MAP3K10: variants seen among roughly 807,000 people sequenced by gnomAD.
The protein encoded by MAP3K10 is mitogen-activated protein kinase kinase kinase 10, also known as MKN28 derived nonreceptor_type serine/threonine kinase.
Under a neutral mutation model 75.0 loss-of-function variants are expected in MAP3K10, and 22 were observed. That is an observed-to-expected ratio of 0.29 (90% CI 0.21 to 0.42). MAP3K10 has a LOEUF of 0.42. MAP3K10 is among the 10% of genes least tolerant of loss of function. The pLI is 1.00. For synonymous variants in MAP3K10, 599 were observed against 612.9 expected, an observed-to-expected ratio of 0.98 and a Z score of 0.34; for missense variants, 1,165 against 1,379.8, an observed-to-expected ratio of 0.84 and a Z score of 2.47.
At chr19:40,208,665 T>C (rs1260037898) in intron 5 of MAP3K10, among the ~76,000 whole-genome samples, 3 of 74,044 alleles carry the variant, frequency 4.1e-5, no homozygotes, top group Non-Finnish European at 8.4e-5. Context: ...CAGTGAGAAC[T>C]CATCCTTTAT....
At position 40,204,711 on chromosome 19, in the gene MAP3K10, C is replaced by T. The variant is rs918836705; in HGVS notation, c.1012+78C>T. The stretch of plus-strand genomic sequence containing the variant: ...TGTGGGCCCAGACCTTTCCCCTTCA[C>T]ACCTATCCATACCAGTGGGCCCAGG... On this transcript the variant is annotated intron_variant, in intron 3 of 9. Coordinates refer to ENST00000253055, the MANE Select transcript of MAP3K10 (RefSeq NM_002446.4). The surrounding 1 kb of genome is among the most constrained non-coding windows in gnomAD (Gnocchi z 4.3). 7.9e-6 allele frequency: 12 copies of T among 1,519,120 alleles called. No homozygotes were observed. The highest frequency in any genetic ancestry group is 1.4e-5 in the African/African-American group (1 of 72,936). 94.1% of individuals were successfully genotyped at this position (1,519,120 alleles called of 1,614,324 possible).
chr19:40,196,386 C>T (rs921409984), intron 1 of MAP3K10, among the ~76,000 whole-genome samples: 7 of 152,198 alleles, frequency 4.6e-5, no homozygotes, highest in African/African-American at 1.7e-4. Context: ...CAGTGGTTTA[C>T]TCTTGTAGTC....
In MAP3K10 at chr19:40,198,356, C is replaced by A; in HGVS notation, c.683-19C>A. 1 of 1,600,074 alleles carries A rather than the reference C, an allele frequency of 6.2e-7. No individual in the cohort carries two copies. Among genetic ancestry groups the A allele is most frequent in the Non-Finnish European group, 8.5e-7 (1 of 1,171,558 alleles). On this transcript the variant is annotated intron_variant, in intron 1 of 9. Transcript: ENST00000253055. The surrounding 1 kb of genome is among the most constrained non-coding windows in gnomAD (Gnocchi z 4.3). ...GCGTGGCAGGTCTGGGGTGACCCAC[C>A]TTTCTTCCCACCCCACAGTCCTGAT...
Position 40,191,736 on chromosome 19 carries a change from T to G in MAP3K10, c.-296T>G. The G allele has an allele frequency of 3.4e-6, 1 of 290,940 alleles. No individual in the cohort carries two copies. Among genetic ancestry groups the G allele is most frequent in the Non-Finnish European group, 6.3e-6 (1 of 157,506 alleles). 18.0% of individuals were successfully genotyped at this position (290,940 alleles called of 1,614,324 possible). A position where few individuals can be genotyped will look rare whatever the true frequency, so the allele number is the denominator to read the frequency against. ...CCCACCGGCGGACCCCGGCGGGCAT[T>G]CGAGAGCCGCGCGGCCAGGCCCTCT... On this transcript the variant is annotated 5_prime_UTR_variant, in exon 1 of 10. It adds an upstream start codon to the 5' untranslated region. Coordinates refer to ENST00000253055, the MANE Select transcript of MAP3K10 (RefSeq NM_002446.4).
chr19:40,201,524 G>A (rs1973021059), intron 2 of MAP3K10, among the ~76,000 whole-genome samples: 1 of 129,796 alleles, frequency 7.7e-6, no homozygotes, highest in Non-Finnish European at 1.6e-5. Context: ...ACAGGGTCTT[G>A]CTCTGTCACC....
At chr19:40,214,505 C>T (rs1973313662) in intron 9 of MAP3K10, among the ~76,000 whole-genome samples, 4 of 152,232 alleles carry the variant, frequency 2.6e-5, no homozygotes, top group Admixed American at 2.6e-4. Flanking sequence ...ACACTGTTCT[C>T]CTCCATCTGT....
At chr19:40,203,032 T>C (rs901377383) in intron 2 of MAP3K10, among the ~76,000 whole-genome samples, 8 of 152,278 alleles carry the variant, frequency 5.3e-5, no homozygotes, top group African/African-American at 1.7e-4. Flanking sequence ...TGGCACACAG[T>C]AGGCACTTAA....
At chr19:40,199,671 T>A (rs1972981307) in intron 2 of MAP3K10, among the ~76,000 whole-genome samples, 2 of 151,996 alleles carry the variant, frequency 1.3e-5, no homozygotes, top group African/African-American at 4.8e-5. Flanking sequence ...TTTATTCTAA[T>A]GAAGTAGGAA....
rs867480343 is a variant in MAP3K10, at chr19:40,198,336, G to A, written c.683-39G>A. On this transcript the variant is annotated intron_variant, in intron 1 of 9. Coordinates refer to ENST00000253055, the MANE Select transcript of MAP3K10 (RefSeq NM_002446.4). This position sits in a 1 kb window ranked among gnomAD's most constrained non-coding sequence, Gnocchi z 4.3. The stretch of plus-strand genomic sequence containing the variant: ...CCAGAACACTTGGGTCTGCGGCGTG[G>A]CAGGTCTGGGGTGACCCACCTTTCT... The A allele has an allele frequency of 3.2e-6, 5 of 1,574,786 alleles. No homozygotes were observed. The highest frequency in any genetic ancestry group is 1.1e-5 in the South Asian group (1 of 87,374).
intron 1 of MAP3K10, among the ~76,000 whole-genome samples, chr19:40,193,955 C>A (rs1190939387): frequency 1.3e-5 from 2 of 152,180 alleles, no homozygotes; most frequent in African/African-American, 4.8e-5. Context: ...TTATTTTAAT[C>A]CATCCCACTA....
chr19:40,204,213 G>C lies in MAP3K10; in HGVS notation c.864-272G>C, dbSNP rs1198009838. Among the ~76,000 whole-genome samples the C allele has an allele frequency of 6.6e-6, 1 of 152,176 alleles. No homozygotes were observed. Among genetic ancestry groups the C allele is most frequent in the African/African-American group, 2.4e-5 (1 of 41,446 alleles). Reference sequence around the variant, plus strand: ...TCTCTACAAAAATAAAAATAAGAAAGATGGATTTGGCCAGTAGGAACACGG... The same window carrying C: ...TCTCTACAAAAATAAAAATAAGAAACATGGATTTGGCCAGTAGGAACACGG... On this transcript the variant is annotated intron_variant, in intron 2 of 9. Coordinates refer to ENST00000253055, the MANE Select transcript of MAP3K10 (RefSeq NM_002446.4). This position sits in a 1 kb window ranked among gnomAD's most constrained non-coding sequence, Gnocchi z 4.3.
chr19:40,213,102 A>G lies in MAP3K10; in HGVS notation c.1751A>G (p.Lys584Arg). The change falls in exon 8 of 10, where the codon AAA becomes AGA. Residue 584 changes from lysine to arginine, a missense_variant. Coordinates refer to ENST00000253055, the MANE Select transcript of MAP3K10 (RefSeq NM_002446.4). The surrounding 1 kb of genome is among the most constrained non-coding windows in gnomAD (Gnocchi z 5.7). ...CTGAAGGGGCTGGGGGAAGGAAGCAAACAGTGGTCATCAAGTGCCCCCAAC... is the reference window on the plus strand; with the variant it reads ...CTGAAGGGGCTGGGGGAAGGAAGCAGACAGTGGTCATCAAGTGCCCCCAAC... ...ERLKGLGEGS[K>R]QWSSSAPNLG... 6.2e-7 allele frequency: 1 copy of G among 1,606,246 alleles called. No individual in the cohort carries two copies. The highest frequency in any genetic ancestry group is 8.5e-7 in the Non-Finnish European group (1 of 1,177,152).
rs777832541 is a variant in MAP3K10 at position 40,212,952 on chromosome 19, A to G, written c.1700A>G (p.Lys567Arg). 1 of 1,609,630 alleles carries G rather than the reference A, an allele frequency of 6.2e-7. No individual in the cohort carries two copies. The highest frequency in any genetic ancestry group is 2.2e-5 in the East Asian group (1 of 44,862). ...RTWGPSSTLQ[K>R]ERVGGEERLK... ...TGGGGGCCCAGCTCCACCCTGCAGAAGGAGCGGGTGGGAGGAGAGGAGAGG... is the reference window on the plus strand; with the variant it reads ...TGGGGGCCCAGCTCCACCCTGCAGAGGGAGCGGGTGGGAGGAGAGGAGAGG... The change falls in exon 7 of 10, where the codon AAG becomes AGG. Residue 567 changes from lysine (K) to arginine (R), a missense_variant. Physicochemically the swap from Lys to Arg is conservative, Grantham distance 26. Around this residue, in one of 2 missense-constraint regions of MAP3K10, gnomAD observed 590 missense variants for 586.6 expected, o/e 1.01. Coordinates refer to ENST00000253055, the MANE Select transcript of MAP3K10 (RefSeq NM_002446.4). This position sits in a 1 kb window ranked among gnomAD's most constrained non-coding sequence, Gnocchi z 4.2.
In MAP3K10 at chr19:40,191,585, G is replaced by A. The variant is rs1972811766; in HGVS notation, c.-447G>A. Among the ~76,000 whole-genome samples, 1 of 147,636 alleles carries A rather than the reference G, an allele frequency of 6.8e-6. No homozygotes were observed. Among genetic ancestry groups the A allele is most frequent in the Non-Finnish European group, 1.5e-5 (1 of 66,260 alleles). Reference sequence around the variant, plus strand: ...CCCCGGCCCGGGGCGGCCGCCCCAGGGGCCCCGCCACCCCCGCCCGGCCCG... The same window carrying A: ...CCCCGGCCCGGGGCGGCCGCCCCAGAGGCCCCGCCACCCCCGCCCGGCCCG... On this transcript the variant is annotated 5_prime_UTR_variant, in exon 1 of 10. Coordinates refer to ENST00000253055, the MANE Select transcript of MAP3K10 (RefSeq NM_002446.4).
At chr19:40,197,296 G>A (rs745774311) in intron 1 of MAP3K10, among the ~76,000 whole-genome samples, 2 of 152,150 alleles carry the variant, frequency 1.3e-5, no homozygotes, top group African/African-American at 2.4e-5. Flanking sequence ...CTGAGCCAGA[G>A]TCAGGGTGCA....
chr19:40,214,005 C>A lies in MAP3K10; in HGVS notation c.2326C>A (p.Pro776Thr). ...SDEAAPAAPSPPPSPPAPTPT... is the reference protein window; with the variant it reads ...SDEAAPAAPSTPPSPPAPTPT... The stretch of plus-strand genomic sequence containing the variant: ...CGAGGCCGCACCGGCCGCGCCCTCC[C>A]CACCACCCTCCCCGCCCGCGCCCAC... Residue 776 changes from proline (P) to threonine (T), a missense_variant, in exon 9 of 10, where the codon CCA becomes ACA. Pro to Thr is a conservative substitution (Grantham distance 38). Coordinates refer to ENST00000253055, the MANE Select transcript of MAP3K10 (RefSeq NM_002446.4). 6.6e-7 allele frequency: 1 copy of A among 1,510,234 alleles called. No homozygotes were observed. The highest frequency in any genetic ancestry group is 2.6e-5 in the East Asian group (1 of 38,978). 93.6% of individuals were successfully genotyped at this position (1,510,234 alleles called of 1,614,324 possible). A position where few individuals can be genotyped will look rare whatever the true frequency, so the allele number is the denominator to read the frequency against.
chr19:40,213,450 C>G lies in MAP3K10; in HGVS notation c.1838-67C>G. The G allele has an allele frequency of 1.3e-6, 2 of 1,580,598 alleles. No individual in the cohort carries two copies. The highest frequency in any genetic ancestry group is 1.7e-6 in the Non-Finnish European group (2 of 1,168,548). On this transcript the variant is annotated intron_variant, in intron 8 of 9. Transcript: ENST00000253055. This position sits in a 1 kb window ranked among gnomAD's most constrained non-coding sequence, Gnocchi z 5.7. ...TTGGAGGGGTCATCGGGGGCTGTCC[C>G]TTGGCACAAGTCCCCGTGGGGCCCT...
chr19:40,200,477 A>G (rs1177080052), intron 2 of MAP3K10, among the ~76,000 whole-genome samples: 1 of 152,094 alleles, frequency 6.6e-6, no homozygotes, highest in Non-Finnish European at 1.5e-5. Context: ...CTGAGGCTCC[A>G]GATTGTCCAA....
In MAP3K10 at chr19:40,213,998, G is replaced by GCCCACCCCCCCCCCCCCCCCCCCCCC; in HGVS notation, c.2322_2323insACCCCCCCCCCCCCCCCCCCCCCCCC (p.Ser775ThrfsTer56). On this transcript the variant is annotated frameshift_variant, in exon 9 of 10. Transcript: ENST00000253055. LOFTEE classifies it high-confidence loss of function. The surrounding 1 kb of genome is among the most constrained non-coding windows in gnomAD (Gnocchi z 5.7). ...ACAGTGACGAGGCCGCACCGGCCGC[G>GCCCACCCCCCCCCCCCCCCCCCCCCC]CCCTCCCCACCACCCTCCCCGCCCG... The GCCCACCCCCCCCCCCCCCCCCCCCCC allele has an allele frequency of 1.3e-6, 2 of 1,521,832 alleles. No homozygotes were observed. The highest frequency in any genetic ancestry group is 2.5e-5 in the East Asian group (1 of 39,528). 94.3% of individuals were successfully genotyped at this position (1,521,832 alleles called of 1,614,324 possible). A position where few individuals can be genotyped will look rare whatever the true frequency, so the allele number is the denominator to read the frequency against.
Sources: allele counts gnomAD v4.1 joint callset (sites outside exome capture counted in the v4.1 genomes callset), GRCh38; gene constraint gnomAD v4.1.1; regional missense constraint gnomAD v4.1.1; non-coding constraint Gnocchi (gnomAD v3.1); transcripts MANE v1.5; gene names NCBI Gene and HGNC (gene_info 2026-07-23, HGNC 2026-07-21).